Variants in PITPNM2 observed in about 807,000 individuals in gnomAD.
PITPNM2 encodes phosphatidylinositol transfer protein membrane associated 2.
In PITPNM2, 35 loss-of-function variants were observed where a neutral mutation model predicts 132.2. The ratio of observed to expected loss-of-function variants is 0.26; its 90% CI spans 0.20 to 0.35. The LOEUF is 0.35. Ranked by LOEUF, PITPNM2 falls within the 10% of genes least tolerant of loss-of-function variation. The pLI, the probability that PITPNM2 is intolerant of heterozygous loss-of-function variation, is 1.00. For missense variants in PITPNM2, 1,332 were observed against 1,912.0 expected (o/e 0.70, Z 5.66); for synonymous variants, 738 against 799.2 (o/e 0.92, Z 1.29).
chr12:123,107,545 A>G (rs998701072), intron 2 of PITPNM2, among the ~76,000 whole-genome samples: 1 of 152,158 alleles, frequency 6.6e-6, no homozygotes, highest in African/African-American at 2.4e-5. Flanking sequence ...CTGGTCCTTG[A>G]GCCCTTTCCT....
At chr12:123,143,694 C>A (rs1014045047) in intron 1 of PITPNM2, among the ~76,000 whole-genome samples, 3 of 152,204 alleles carry the variant, frequency 2.0e-5, no homozygotes, top group African/African-American at 7.2e-5. Flanking sequence ...GCCGCCAGAA[C>A]CCACTGCATG....
At position 122,992,725 on chromosome 12, in the gene PITPNM2, G is replaced by C; in HGVS notation, c.2234-56C>G. 7.1e-7 allele frequency: 1 copy of C among 1,399,122 alleles called. No individual in the cohort carries two copies. The highest frequency in any genetic ancestry group is 9.7e-7 in the Non-Finnish European group (1 of 1,035,992). 86.7% of individuals were successfully genotyped at this position (1,399,122 alleles called of 1,614,324 possible). A position where few individuals can be genotyped will look rare whatever the true frequency, so the allele number is the denominator to read the frequency against. On this transcript the variant is annotated intron_variant, in intron 15 of 25. Transcript: ENST00000320201. This position sits in a 1 kb window ranked among gnomAD's most constrained non-coding sequence, Gnocchi z 6.5. ...GGGCTGGCCCTGAGGAGCAGTGGTG[G>C]GGGTGGGAAATTTGGGAACTGGGCA...
At chr12:122,988,896 G>T (rs1205125819) in intron 18 of PITPNM2, 24 bp from the exon 19 acceptor site, 3 of 1,545,636 alleles carry the variant, frequency 1.9e-6, no homozygotes, top group Non-Finnish European at 2.6e-6. Flanking sequence ...CCGTGACTGG[G>T]CTGGGGCTGT....
chr12:123,057,918 C>T lies in PITPNM2; in HGVS notation c.-95-23233G>A, dbSNP rs188091910. On this transcript the variant is annotated intron_variant, in intron 2 of 25. Coordinates refer to ENST00000320201, the MANE Select transcript of PITPNM2 (RefSeq NM_020845.3). ...AGAGTTGGAGAGGGGAACTGGAACC[C>T]TTTTGCAGATCCAAGGGATCCAGAG... 5.8e-4 allele frequency among the ~76,000 whole-genome samples: 89 copies of T among 152,310 alleles called. No homozygotes were observed. In the East Asian group the frequency reaches 0.015, roughly 26 times the overall value.
At chr12:123,028,840 A>T (rs2039963743) in intron 3 of PITPNM2, among the ~76,000 whole-genome samples, 1 of 152,174 alleles carries the variant, frequency 6.6e-6, no homozygotes, top group Non-Finnish European at 1.5e-5. Context: ...AGAGGGTCAG[A>T]GGAAGCTGCC....
Position 123,014,033 on chromosome 12 carries a change from G to A in PITPNM2, c.88C>T (p.Arg30Cys), listed in dbSNP as rs751373447. The change falls in exon 4 of 26, where the codon CGT becomes TGT. Residue 30 changes from arginine to cysteine, a missense_variant. Arg to Cys is a radical substitution (Grantham distance 180, BLOSUM62 -3). Transcript: ENST00000320201. ...CTGCCTTCGCCATATGTCTCGTTAC[G>A]GCTCTTCTTCTGTGGGGACAAAAGC... ...AQLYMIQKKS[R>C]NETYGEGSGV... is the part of the protein sequence containing the mutation. 21 of 1,614,068 alleles carry A rather than the reference G, an allele frequency of 1.3e-5. No individual in the cohort carries two copies. The highest frequency in any genetic ancestry group is 5.3e-5 in the African/African-American group (4 of 74,920).
intron 2 of PITPNM2, among the ~76,000 whole-genome samples, chr12:123,044,022 C>G (rs943347341): frequency 2.6e-5 from 4 of 152,370 alleles, no homozygotes; most frequent in Admixed American, 6.5e-5. Flanking sequence ...CTACTACCAC[C>G]ACCACACTGG....
intron 1 of PITPNM2, among the ~76,000 whole-genome samples, chr12:123,137,608 C>T (rs1020697681): frequency 5.9e-5 from 9 of 152,072 alleles, no homozygotes; most frequent in African/African-American, 1.4e-4. Context: ...AAGGTGCTCT[C>T]GTGGCTGGGT....
Position 123,005,570 on chromosome 12 carries a change from G to A in PITPNM2, c.644-22C>T. On this transcript the variant is annotated intron_variant, in intron 6 of 25. Coordinates refer to ENST00000320201, the MANE Select transcript of PITPNM2 (RefSeq NM_020845.3). The surrounding 1 kb of genome is among the most constrained non-coding windows in gnomAD (Gnocchi z 6.2). The stretch of plus-strand genomic sequence containing the variant: ...AGTCCTGTGCCCCATGGGGATCAGA[G>A]AGGGAGAGACGAGGGGAGGGAGGTC... 1 of 1,604,104 alleles carries A rather than the reference G, an allele frequency of 6.2e-7. No homozygotes were observed. The highest frequency in any genetic ancestry group is 1.1e-5 in the South Asian group (1 of 90,772).
At chr12:123,129,803 GA>G (rs1231046365) in intron 1 of PITPNM2, among the ~76,000 whole-genome samples, 1 of 151,982 alleles carries the variant, frequency 6.6e-6, no homozygotes, top group Non-Finnish European at 1.5e-5. Context: ...GCCTACAGAG[GA>G]AACAGAGGGG....
chr12:123,006,362 A>C (rs2038935094), intron 6 of PITPNM2, among the ~76,000 whole-genome samples: 1 of 152,014 alleles, frequency 6.6e-6, no homozygotes, highest in Non-Finnish European at 1.5e-5. Context: ...CATATAAATT[A>C]AGATGTAGAA....
intron 18 of PITPNM2, among the ~76,000 whole-genome samples, chr12:122,989,103 G>A (rs1054726065): frequency 3.9e-5 from 6 of 152,202 alleles, no homozygotes; most frequent in African/African-American, 1.4e-4. Context: ...GGCTCCTGCG[G>A]TTGCGTGGGA....
At chr12:123,048,966 T>G (rs1236523918) in intron 2 of PITPNM2, among the ~76,000 whole-genome samples, 1 of 151,932 alleles carries the variant, frequency 6.6e-6, no homozygotes, top group Non-Finnish European at 1.5e-5. Flanking sequence ...AGACCCCATT[T>G]CTACAAAAAA....
At position 122,996,922 on chromosome 12, in the gene PITPNM2, G is replaced by A. The variant is rs1594129567; in HGVS notation, c.1473-12C>T. The A allele has an allele frequency of 6.4e-7, 1 of 1,560,020 alleles. No homozygotes were observed. Among genetic ancestry groups the A allele is most frequent in the Non-Finnish European group, 8.6e-7 (1 of 1,160,578 alleles). ...TGTAGGGGCTGAGGCTGGGGAGAGG[G>A]GCCAGTCAAGAGAGGGCAGGCGGCT... On this transcript the variant is annotated splice_polypyrimidine_tract_variant and intron_variant, in intron 11 of 25. Transcript: ENST00000320201.
rs1403034374 is a variant in PITPNM2 at position 123,150,962 on chromosome 12, G to C, written c.-409C>G. On this transcript the variant is annotated 5_prime_UTR_variant, in exon 1 of 26. Transcript: ENST00000320201. The surrounding 1 kb of genome is among the most constrained non-coding windows in gnomAD (Gnocchi z 6.0). ...TCGCAGGCGGGCGGCGGCGGCGCACGTGCTGGCGGGCGGCTCTCGCTGAGG... is the reference window on the plus strand; with the variant it reads ...TCGCAGGCGGGCGGCGGCGGCGCACCTGCTGGCGGGCGGCTCTCGCTGAGG... Among the ~76,000 whole-genome samples the C allele has an allele frequency of 6.9e-6, 1 of 144,300 alleles. No homozygotes were observed. Among genetic ancestry groups the C allele is most frequent in the Non-Finnish European group, 1.5e-5 (1 of 65,154 alleles). The allele number at this position is 144,300 out of a possible 152,430, so 94.7% of individuals were successfully genotyped here.
Position 123,150,672 on chromosome 12 carries a change from C to CAGAT in PITPNM2, c.-200+77_-200+80dup, listed in dbSNP as rs971566498. 6.6e-6 allele frequency among the ~76,000 whole-genome samples: 1 copy of CAGAT among 151,116 alleles called. No individual in the cohort carries two copies. Among genetic ancestry groups the CAGAT allele is most frequent in the Non-Finnish European group, 1.5e-5 (1 of 67,624 alleles). On this transcript the variant is annotated intron_variant, in intron 1 of 25. Coordinates refer to ENST00000320201, the MANE Select transcript of PITPNM2 (RefSeq NM_020845.3). The surrounding 1 kb of genome is among the most constrained non-coding windows in gnomAD (Gnocchi z 6.0). ...CGGGGCCTCTCTGGGAGCCGCCGCC[C>CAGAT]AGATCCCCAGGTCCCCGGCCAGCGC...
chr12:123,150,951 C>T lies in PITPNM2; in HGVS notation c.-398G>A, dbSNP rs2043730347. On this transcript the variant is annotated 5_prime_UTR_variant, in exon 1 of 26. Coordinates refer to ENST00000320201, the MANE Select transcript of PITPNM2 (RefSeq NM_020845.3). The surrounding 1 kb of genome is among the most constrained non-coding windows in gnomAD (Gnocchi z 6.0). The stretch of plus-strand genomic sequence containing the variant: ...GCTCCCGAGCGTCGCAGGCGGGCGG[C>T]GGCGGCGCACGTGCTGGCGGGCGGC... Among the ~76,000 whole-genome samples, 1 of 145,354 alleles carries T rather than the reference C, an allele frequency of 6.9e-6. No homozygotes were observed. Among genetic ancestry groups the T allele is most frequent in the African/African-American group, 2.5e-5 (1 of 40,596 alleles).
rs2041629255 is a variant in PITPNM2 at position 123,071,833 on chromosome 12, AGGACT to A, written c.-95-37153_-95-37149del. 9.2e-4 allele frequency among the ~76,000 whole-genome samples: 56 copies of A among 60,794 alleles called. 3 individuals are homozygous for A. In the South Asian group the frequency reaches 0.026, roughly 29 times the overall value. The allele number at this position is 60,794 out of a possible 152,430, so 39.9% of individuals were successfully genotyped here. A position where few individuals can be genotyped will look rare whatever the true frequency, so the allele number is the denominator to read the frequency against. ...AGCAGCTTCTGTGGGTCACACAGCC[AGGACT>A]CAAAACCCGAGCCTATATGACTACC... On this transcript the variant is annotated intron_variant, in intron 2 of 25. Transcript: ENST00000320201.
At chr12:123,012,775 A>G in intron 4 of PITPNM2, 41 bp from the exon 5 acceptor site, 1 of 1,607,908 alleles carries the variant, frequency 6.2e-7, no homozygotes, top group Non-Finnish European at 8.5e-7. Context: ...CTGTCCTTGG[A>G]GAGGCCCAGT....
Sources: allele counts gnomAD v4.1 joint callset (sites outside exome capture counted in the v4.1 genomes callset), GRCh38; gene constraint gnomAD v4.1.1; non-coding constraint Gnocchi (gnomAD v3.1); transcripts MANE v1.5; gene names NCBI Gene and HGNC (gene_info 2026-07-23, HGNC 2026-07-21).